The following LMOD3 variants were observed in gnomAD, a reference collection of about 807,000 sequenced individuals.
LMOD3 encodes leiomodin-3.
LMOD3 carries 31 observed loss-of-function variants against 41.8 expected under a neutral mutation model. That is an observed-to-expected ratio of 0.74 (90% CI 0.56 to 1.00). The LOEUF (loss-of-function observed/expected upper bound fraction) is 1.00. Ranked by LOEUF, LMOD3 falls within the 50% of genes least tolerant of loss-of-function variation. The probability of loss-of-function intolerance (pLI) is 0.00; values close to 1 mark genes in which losing one functional copy is unlikely to be tolerated. For synonymous variants in LMOD3, 292 were observed against 241.9 expected, an observed-to-expected ratio of 1.21 and a Z score of -1.92; for missense variants, 755 against 679.5, an observed-to-expected ratio of 1.11 and a Z score of -1.23.
Position 69,108,953 on chromosome 3 carries a change from T to C in LMOD3, c.*142A>G. 1 of 701,936 alleles carries C rather than the reference T, an allele frequency of 1.4e-6. No individual in the cohort carries two copies. The highest frequency in any genetic ancestry group is 2.9e-5 in the Admixed American group (1 of 34,590). 43.5% of individuals were successfully genotyped at this position (701,936 alleles called of 1,614,324 possible). ...TTCATGGCCCAAACATTCTGCCTTTTACAAATACCCTTATCAGATGGTAGC... is the reference window on the plus strand; with the variant it reads ...TTCATGGCCCAAACATTCTGCCTTTCACAAATACCCTTATCAGATGGTAGC... On this transcript the variant is annotated 3_prime_UTR_variant, in exon 3 of 3. Coordinates refer to ENST00000420581, the MANE Select transcript of LMOD3 (RefSeq NM_198271.5).
Position 69,107,494 on chromosome 3 carries a change from T to TTTTTTTTTTTG in LMOD3, c.*1600_*1601insCAAAAAAAAAA, listed in dbSNP as rs1252768762. On this transcript the variant is annotated 3_prime_UTR_variant, in exon 3 of 3. Coordinates refer to ENST00000420581, the MANE Select transcript of LMOD3 (RefSeq NM_198271.5). ...TTTTTTTTTTTTTTTTTTTTTTTTTTGAGATGGAGTATCACTCTGTCACCC... is the reference window on the plus strand; with the variant it reads ...TTTTTTTTTTTTTTTTTTTTTTTTTTTTTTTTTTTTGGAGATGGAGTATCACTCTGTCACCC... The TTTTTTTTTTTG allele has an allele frequency of 6.4e-5, 8 of 125,182 alleles. No homozygotes were observed. The highest frequency in any genetic ancestry group is 9.6e-5 in the Non-Finnish European group (6 of 62,696). The allele number at this position is 125,182 out of a possible 1,614,324, so 7.8% of individuals were successfully genotyped here.
At position 69,116,496 on chromosome 3, in the gene LMOD3, C is replaced by T. The variant is rs1036077530; in HGVS notation, c.1656+2203G>A. Among the ~76,000 whole-genome samples, 9 of 152,136 alleles carry T rather than the reference C, an allele frequency of 5.9e-5. No homozygotes were observed. In the East Asian group the frequency reaches 1.3e-3, roughly 23 times the overall value. ...TGAATTATTTTTTTTAAAACACCAC[C>T]ACCAAATACACTTAAAATTGGTAGT... On this transcript the variant is annotated intron_variant, in intron 2 of 2. Transcript: ENST00000420581.
rs200984574 is a variant in LMOD3, at chr3:69,109,135, A to G, written c.1657-14T>C. ...TGGCAGTTGCACCTGCGATTTAAGC[A>G]TTTGAGGAAACGGGGGAAATTAATC... On this transcript the variant is annotated splice_polypyrimidine_tract_variant and intron_variant, in intron 2 of 2. Transcript: ENST00000420581. 2.2e-4 allele frequency: 347 copies of G among 1,600,178 alleles called. 2 individuals are homozygous for G. The African/African-American group carries it at 3.9e-3, about 18-fold the overall frequency.
rs1025853640 is a variant in LMOD3, at chr3:69,107,507, C to G, written c.*1588G>C. ...TTTTTTTTTTTTTGAGATGGAGTATCACTCTGTCACCCAGGCTGGAGTACA... is the reference window on the plus strand; with the variant it reads ...TTTTTTTTTTTTTGAGATGGAGTATGACTCTGTCACCCAGGCTGGAGTACA... On this transcript the variant is annotated 3_prime_UTR_variant, in exon 3 of 3. Coordinates refer to ENST00000420581, the MANE Select transcript of LMOD3 (RefSeq NM_198271.5). The G allele has an allele frequency of 1.2e-5, 1 of 81,710 alleles. No individual in the cohort carries two copies. Among genetic ancestry groups the G allele is most frequent in the Non-Finnish European group, 2.3e-5 (1 of 42,622 alleles). 5.1% of individuals were successfully genotyped at this position (81,710 alleles called of 1,614,324 possible). A position where few individuals can be genotyped will look rare whatever the true frequency, so the allele number is the denominator to read the frequency against.
chr3:69,121,751 C>G (rs1254128787), intron 1 of LMOD3, among the ~76,000 whole-genome samples: 1 of 151,958 alleles, frequency 6.6e-6, no homozygotes, highest in Non-Finnish European at 1.5e-5. Context: ...AAGGGGCCTG[C>G]AATAAAAAAG....
chr3:69,110,853 A>AAAAAAAAAAT (rs1458630453), intron 2 of LMOD3, among the ~76,000 whole-genome samples: 4 of 104,168 alleles, frequency 3.8e-5, no homozygotes, highest in African/African-American at 1.4e-4. Context: ...AAAAAAAAAA[A>AAAAAAAAAAT]ATATATATAT....
Position 69,122,395 on chromosome 3 carries a change from C to T in LMOD3, c.-9G>A, listed in dbSNP as rs761264506. On this transcript the variant is annotated 5_prime_UTR_variant, in exon 1 of 3. Coordinates refer to ENST00000420581, the MANE Select transcript of LMOD3 (RefSeq NM_198271.5). ...CTGCTGTGCTCTGACATTATTTTTT[C>T]TAAATATTATTTTACTAGAAAAGAA... 5.2e-6 allele frequency: 8 copies of T among 1,525,122 alleles called. No homozygotes were observed. The Admixed American group carries it at 1.4e-4, about 27-fold the overall frequency. The allele number at this position is 1,525,122 out of a possible 1,614,324, so 94.5% of individuals were successfully genotyped here.
intron 1 of LMOD3, among the ~76,000 whole-genome samples, chr3:69,120,592 A>C (rs2092402966): frequency 6.6e-6 from 1 of 151,118 alleles, no homozygotes; most frequent in Non-Finnish European, 1.5e-5. Context: ...TACGTTTGAC[A>C]TTTTGGAATA....
At chr3:69,110,571 G>A (rs1189706676) in intron 2 of LMOD3, among the ~76,000 whole-genome samples, 12 of 150,226 alleles carry the variant, frequency 8.0e-5, no homozygotes, top group African/African-American at 2.9e-4. Context: ...GGCTGGGCGC[G>A]GTGGCTGACG....
chr3:69,118,781 C>T lies in LMOD3; in HGVS notation c.1574G>A (p.Arg525Lys), dbSNP rs776370086. 1.2e-6 allele frequency: 2 copies of T among 1,611,474 alleles called. No homozygotes were observed. Among genetic ancestry groups the T allele is most frequent in the South Asian group, 2.2e-5 (2 of 90,788 alleles). Residue 525 changes from arginine (R) to lysine (K), a missense_variant, in exon 2 of 3, where the codon AGG (arginine) becomes AAG (lysine). Arg to Lys is a conservative substitution (Grantham distance 26). Coordinates refer to ENST00000420581, the MANE Select transcript of LMOD3 (RefSeq NM_198271.5). ...IKTLKPVPRN[R>K]PPPLVEITPR... ...AGTGATTTCCACCAATGGGGGTGGC[C>T]TGTTTCTCGGCACTGGCTTGAGCGT...
chr3:69,122,037 A>G, intron 1 of LMOD3, 56 bp downstream of exon 1: 3 of 1,413,344 alleles, frequency 2.1e-6, no homozygotes, highest in South Asian at 1.3e-5. Flanking sequence ...CAACAGAGAG[A>G]CCTAACAGCC....
intron 2 of LMOD3, among the ~76,000 whole-genome samples, chr3:69,112,038 G>A (rs2092352350): frequency 6.6e-6 from 1 of 152,112 alleles, no homozygotes; most frequent in South Asian, 2.1e-4. Flanking sequence ...TTTTCAAAGA[G>A]GCCATTTCTA....
rs1196231361 is a variant in LMOD3, at chr3:69,119,350, C to T, written c.1005G>A (p.Gln335=). ...GAAGCTCAGTTAGCGTCTCATTAAA[C>T]TGGAGACACCTCATGATGGCCACAA... The part of the protein sequence containing the change: ...KGIVAIMRCL[Q]FNETLTELRF... Residue 335 remains glutamine (Q), a synonymous_variant, in exon 2 of 3, where the codon CAG becomes CAA. Coordinates refer to ENST00000420581, the MANE Select transcript of LMOD3 (RefSeq NM_198271.5). 1 of 1,613,990 alleles carries T rather than the reference C, an allele frequency of 6.2e-7. No homozygotes were observed. The highest frequency in any genetic ancestry group is 1.1e-5 in the South Asian group (1 of 91,088).
At position 69,119,154 on chromosome 3, in the gene LMOD3, G is replaced by A. The variant is rs724159964; in HGVS notation, c.1201C>T (p.Arg401Ter). The A allele has an allele frequency of 1.2e-6, 2 of 1,613,618 alleles. No individual in the cohort carries two copies. Among genetic ancestry groups the A allele is most frequent in the Admixed American group, 1.7e-5 (1 of 59,956 alleles). ...TRNQDKQRQKRQEEQKQQQLK... is the reference protein window; with the variant it reads ...TRNQDKQRQK ...TGCTGCTGTTTTTGCTCTTCCTGTC[G>A]TTTCTGCCTTTGTTTATCCTGATTC... Residue 401 changes from arginine (R) to a stop codon, truncating the protein, a stop_gained, in exon 2 of 3, where the codon CGA becomes TGA. Coordinates refer to ENST00000420581, the MANE Select transcript of LMOD3 (RefSeq NM_198271.5). LOFTEE classifies it high-confidence loss of function.
intron 1 of LMOD3, among the ~76,000 whole-genome samples, chr3:69,121,102 T>C (rs1226571028): frequency 2.0e-5 from 3 of 152,176 alleles, no homozygotes; most frequent in South Asian, 2.1e-4. Flanking sequence ...GTTCAAGTTA[T>C]ACCAGAGGAA....
At chr3:69,114,229 A>AT (rs1295203897) in intron 2 of LMOD3, among the ~76,000 whole-genome samples, 2 of 152,128 alleles carry the variant, frequency 1.3e-5, no homozygotes, top group South Asian at 2.1e-4. Flanking sequence ...AGATATCTGG[A>AT]TTTTTTTGCA....
rs1277127432 is a variant in LMOD3 at position 69,118,023 on chromosome 3, G to A, written c.1656+676C>T. The stretch of plus-strand genomic sequence containing the variant: ...ATTTTTGTATTTTTAGTAGAGATGG[G>A]GTTTCACCATGTTGGCCAGAATGAT... On this transcript the variant is annotated intron_variant, in intron 2 of 2. Transcript: ENST00000420581. 3.9e-5 allele frequency among the ~76,000 whole-genome samples: 6 copies of A among 152,060 alleles called. No homozygotes were observed. In the East Asian group the frequency reaches 1.2e-3, roughly 29 times the overall value.
chr3:69,117,403 C>T (rs1412288963), intron 2 of LMOD3, among the ~76,000 whole-genome samples: 1 of 152,150 alleles, frequency 6.6e-6, no homozygotes, highest in Non-Finnish European at 1.5e-5. Flanking sequence ...TTTGAAAAAA[C>T]ATGAATCTGT....
At chr3:69,118,577 G>T in intron 2 of LMOD3, 122 bp downstream of exon 2, 2 of 1,111,832 alleles carry the variant, frequency 1.8e-6, no homozygotes, top group Non-Finnish European at 2.5e-6. Flanking sequence ...AATGCTCATT[G>T]GCTTCCCCCA....
Sources: allele counts gnomAD v4.1 joint callset (sites outside exome capture counted in the v4.1 genomes callset), GRCh38; gene constraint gnomAD v4.1.1; transcripts MANE v1.5; gene names NCBI Gene and HGNC (gene_info 2026-07-23, HGNC 2026-07-21).